Variants in DAPK2 observed in about 807,000 individuals in gnomAD.
DAPK2 encodes death-associated protein kinase 2.
A neutral mutation model predicts 44.1 loss-of-function variants in DAPK2; 35 were observed. The ratio of observed to expected loss-of-function variants is 0.79; its 90% CI spans 0.61 to 1.05. DAPK2 has a LOEUF of 1.05. Among genes scored for constraint, DAPK2 ranks in the 50% least tolerant of loss-of-function variants. DAPK2 has a pLI of 0.00. For synonymous variants in DAPK2, 174 were observed against 182.6 expected (o/e 0.95, Z 0.38); for missense variants, 453 against 483.2 (o/e 0.94, Z 0.59).
intron 3 of DAPK2, among the ~76,000 whole-genome samples, chr15:63,946,932 A>G (rs1595776021): frequency 1.3e-5 from 2 of 152,314 alleles, no homozygotes; most frequent in Admixed American, 1.3e-4. Context: ...CTCTGTGGAC[A>G]GGTTTTGAGG....
At chr15:64,019,086 C>A (rs945849966) in intron 1 of DAPK2, among the ~76,000 whole-genome samples, 1 of 152,122 alleles carries the variant, frequency 6.6e-6, no homozygotes, top group Non-Finnish European at 1.5e-5. Flanking sequence ...CCATTCTCAC[C>A]CCCATCCCCA....
At chr15:63,984,557 C>T (rs1330254873) in intron 1 of DAPK2, among the ~76,000 whole-genome samples, 1 of 152,220 alleles carries the variant, frequency 6.6e-6, no homozygotes, top group African/African-American at 2.4e-5. Flanking sequence ...CCTGCTTCTG[C>T]ACCTCAGTTC....
At chr15:64,018,037 C>T (rs1329343644) in intron 1 of DAPK2, among the ~76,000 whole-genome samples, 1 of 152,240 alleles carries the variant, frequency 6.6e-6, no homozygotes, top group African/African-American at 2.4e-5. Context: ...TCAATCAACT[C>T]AGCTGCCTGG....
At chr15:63,959,236 A>C (rs1332627535) in intron 3 of DAPK2, among the ~76,000 whole-genome samples, 1 of 152,246 alleles carries the variant, frequency 6.6e-6, no homozygotes, top group East Asian at 1.9e-4. Context: ...GTTGCTTATC[A>C]GCTTAAGGAG....
intron 8 of DAPK2, chr15:63,921,100 T>C (rs986661709): frequency 5.9e-5 from 9 of 152,270 alleles, no homozygotes; most frequent in Non-Finnish European, 8.8e-5. Flanking sequence ...TTCGCTGGAC[T>C]GAGCACTCCG....
chr15:63,976,279 T>C (rs1239635207), intron 2 of DAPK2, among the ~76,000 whole-genome samples: 3 of 152,216 alleles, frequency 2.0e-5, no homozygotes, highest in Admixed American at 2.0e-4. Flanking sequence ...GCTAGTGTAA[T>C]AGAGGAATTG....
At position 63,990,387 on chromosome 15, in the gene DAPK2, C is replaced by A. The variant is rs1190479091; in HGVS notation, c.93-6633G>T. On this transcript the variant is annotated intron_variant, in intron 1 of 10. Coordinates refer to ENST00000261891, the Ensembl canonical transcript of DAPK2. The surrounding 1 kb of genome is among the most constrained non-coding windows in gnomAD (Gnocchi z 4.3). ...AGGTTGCAGTGAGCTGAGATCGCAC[C>A]GCTGCACTCCAGCCTGGGTGACAGA... 6.7e-6 allele frequency among the ~76,000 whole-genome samples: 1 copy of A among 150,336 alleles called. No individual in the cohort carries two copies. The highest frequency in any genetic ancestry group is 1.5e-5 in the Non-Finnish European group (1 of 67,844).
At chr15:64,024,650 G>A (rs957311093) in intron 1 of DAPK2, among the ~76,000 whole-genome samples, 8 of 152,046 alleles carry the variant, frequency 5.3e-5, no homozygotes, top group East Asian at 1.9e-4. Context: ...AGGCTGTCCC[G>A]CCCTGAGCCT....
chr15:64,036,301 G>GTCTATA (rs1368698625), intron 1 of DAPK2, among the ~76,000 whole-genome samples: 1 of 43,238 alleles, frequency 2.3e-5, no homozygotes, highest in African/African-American at 4.6e-5. Flanking sequence ...GTGTGTGTGT[G>GTCTATA]TGTGTGTGTA....
At position 63,990,944 on chromosome 15, in the gene DAPK2, A is replaced by G. The variant is rs1595863650; in HGVS notation, c.93-7190T>C. On this transcript the variant is annotated intron_variant, in intron 1 of 10. Transcript: ENST00000261891. This position sits in a 1 kb window ranked among gnomAD's most constrained non-coding sequence, Gnocchi z 4.3. ...GATGGTGTCACTGAGCCCCCTCCCTACTCCTCTGCCTGGCCAGGCTCCACT... is the reference window on the plus strand; with the variant it reads ...GATGGTGTCACTGAGCCCCCTCCCTGCTCCTCTGCCTGGCCAGGCTCCACT... Among the ~76,000 whole-genome samples, 1 of 151,210 alleles carries G rather than the reference A, an allele frequency of 6.6e-6. No homozygotes were observed. The highest frequency in any genetic ancestry group is 2.4e-5 in the African/African-American group (1 of 41,074).
chr15:63,983,661 G>A, exon 2 of DAPK2: 1 of 1,613,998 alleles, frequency 6.2e-7, no homozygotes, highest in South Asian at 1.1e-5. Flanking sequence ...CACCGCGCCG[G>A]CTCGCCCGGC....
At chr15:64,036,301 G>GTATATATATA (rs1368698625) in intron 1 of DAPK2, among the ~76,000 whole-genome samples, 2 of 43,238 alleles carry the variant, frequency 4.6e-5, no homozygotes, top group Non-Finnish European at 7.1e-5. Context: ...GTGTGTGTGT[G>GTATATATATA]TGTGTGTGTA....
chr15:64,014,300 T>A (rs2079464562), intron 1 of DAPK2, among the ~76,000 whole-genome samples: 1 of 152,238 alleles, frequency 6.6e-6, no homozygotes, highest in African/African-American at 2.4e-5. Flanking sequence ...CCTGGCCTTA[T>A]CAGACATGAG....
intron 1 of DAPK2, among the ~76,000 whole-genome samples, chr15:63,998,730 CCCT>C (rs1472561921): frequency 6.6e-6 from 1 of 152,208 alleles, no homozygotes; most frequent in Non-Finnish European, 1.5e-5. Context: ...GCTCGTCCTG[CCCT>C]GCACTGTTCT....
At chr15:64,002,955 T>TGGGAC (rs2079126368) in intron 1 of DAPK2, among the ~76,000 whole-genome samples, 2 of 118,680 alleles carry the variant, frequency 1.7e-5, no homozygotes, top group Admixed American at 8.8e-5. Context: ...TGTGTGTGTG[T>TGGGAC]GTGTGTGTGT....
rs375094191 is a variant in DAPK2, at chr15:63,938,618, C to A, written c.583+614G>T. ...TTCTCAGCGCTCATTCCTTCCCCCTCTACAGGCTATTTCTTCATGACCCCA... is the reference window on the plus strand; with the variant it reads ...TTCTCAGCGCTCATTCCTTCCCCCTATACAGGCTATTTCTTCATGACCCCA... On this transcript the variant is annotated intron_variant, in intron 4 of 10. Coordinates refer to ENST00000261891, the Ensembl canonical transcript of DAPK2. Among the ~76,000 whole-genome samples, 5 of 152,248 alleles carry A rather than the reference C, an allele frequency of 3.3e-5. No individual in the cohort carries two copies. The East Asian group carries it at 5.8e-4, about 18-fold the overall frequency.
exon 11 of DAPK2, chr15:63,907,122 G>A (rs1470440479): frequency 6.6e-6 from 1 of 152,156 alleles, no homozygotes; most frequent in Admixed American, 6.5e-5. Flanking sequence ...TTTCCTCTGA[G>A]GCCCCCTTAG....
chr15:64,015,657 G>T (rs2079505905), intron 1 of DAPK2, among the ~76,000 whole-genome samples: 2 of 152,204 alleles, frequency 1.3e-5, no homozygotes, highest in South Asian at 4.1e-4. Flanking sequence ...TACCTGAGTG[G>T]GCCCCAAATC....
chr15:63,996,185 G>A (rs897327773), intron 1 of DAPK2, among the ~76,000 whole-genome samples: 1 of 152,212 alleles, frequency 6.6e-6, no homozygotes, highest in Admixed American at 6.5e-5. Context: ...TATAATGCCA[G>A]CACTTTGTGA....
Sources: allele counts gnomAD v4.1 joint callset (sites outside exome capture counted in the v4.1 genomes callset), GRCh38; gene constraint gnomAD v4.1.1; non-coding constraint Gnocchi (gnomAD v3.1); transcripts MANE v1.5; gene names NCBI Gene and HGNC (gene_info 2026-07-23, HGNC 2026-07-21).